ZDHHC24: variants seen among roughly 807,000 people sequenced by gnomAD.
ZDHHC24 encodes probable palmitoyltransferase ZDHHC24.
In ZDHHC24, 17 loss-of-function variants were observed where a neutral mutation model predicts 23.2. The ratio of observed to expected loss-of-function variants is 0.73; its 90% CI spans 0.50 to 1.10. The LOEUF (loss-of-function observed/expected upper bound fraction) is 1.10, where lower values mean the gene tolerates loss of function less well. Among genes scored for constraint, ZDHHC24 ranks in the 50% least tolerant of loss-of-function variants. The pLI, the probability that ZDHHC24 is intolerant of heterozygous loss-of-function variation, is 0.00. For missense variants in ZDHHC24, 366 were observed against 393.0 expected (o/e 0.93, Z 0.58); for synonymous variants, 186 against 194.5 (o/e 0.96, Z 0.36).
chr11:66,521,681 G>A (rs534816922), intron 4 of ZDHHC24: 269 of 373,844 alleles, frequency 7.2e-4, no homozygotes, highest in African/African-American at 4.9e-3. Context: ...CGAGGCAAGC[G>A]GATCACCTGA....
chr11:66,529,313 A>G, exon 3 of ZDHHC24: 1 of 1,536,276 alleles, frequency 6.5e-7, no homozygotes, highest in Non-Finnish European at 8.7e-7. Flanking sequence ...AGGCAGGACC[A>G]TGAGGCTGGT....
intron 2 of ZDHHC24, among the ~76,000 whole-genome samples, chr11:66,541,039 A>T (rs924331482): frequency 6.6e-6 from 1 of 152,128 alleles, no homozygotes; most frequent in Non-Finnish European, 1.5e-5. Context: ...AATGTTCTGG[A>T]ATTAGACAGT....
intron 2 of ZDHHC24, chr11:66,529,545 C>G: frequency 1.4e-6 from 1 of 707,840 alleles, no homozygotes; most frequent in African/African-American, 1.7e-5. Flanking sequence ...CAGGAGAACA[C>G]CAGCCTCTAG....
rs1323134170 is a variant in ZDHHC24 at position 66,538,365 on chromosome 11, C to G, written c.*1164G>C. On this transcript the variant is annotated 3_prime_UTR_variant, in exon 3 of 3. Transcript: ENST00000310442. ...TGAGCCGAGATCACGCCATTGCACT[C>G]CTGCCTGAGCAACAAGAGCAAAACT... 1 of 151,792 alleles carries G rather than the reference C, an allele frequency of 6.6e-6. No individual in the cohort carries two copies. Among genetic ancestry groups the G allele is most frequent in the Non-Finnish European group, 1.5e-5 (1 of 68,050 alleles). The allele number at this position is 151,792 out of a possible 1,614,324, so 9.4% of individuals were successfully genotyped here. A position where few individuals can be genotyped will look rare whatever the true frequency, so the allele number is the denominator to read the frequency against.
downstream of ZDHHC24, chr11:66,530,841 C>G (rs1053933472): frequency 1.9e-6 from 3 of 1,612,880 alleles, no homozygotes; most frequent in African/African-American, 2.7e-5. Flanking sequence ...CACTGTACTC[C>G]GTGCCCAAGG....
intron 2 of ZDHHC24, among the ~76,000 whole-genome samples, chr11:66,540,755 G>A (rs563395709): frequency 2.4e-4 from 37 of 152,006 alleles, no homozygotes; most frequent in Non-Finnish European, 4.1e-4. Context: ...CTTAATGTGT[G>A]CCGCCACAGA....
At chr11:66,531,018 C>A, downstream of ZDHHC24, 1 of 1,614,206 alleles carries the variant, frequency 6.2e-7, no homozygotes, top group Non-Finnish European at 8.5e-7. Flanking sequence ...CTGCCCCGGG[C>A]CTTCTTCAAG....
At chr11:66,535,355 C>T (rs570410929), downstream of ZDHHC24, among the ~76,000 whole-genome samples, 27 of 150,104 alleles carry the variant, frequency 1.8e-4, no homozygotes, top group Middle Eastern at 3.4e-3. Context: ...ACACTACAGA[C>T]GCACTACCAC....
intron 4 of ZDHHC24, chr11:66,523,501 T>C (rs1398065187): frequency 6.2e-7 from 1 of 1,614,074 alleles, no homozygotes; most frequent in Non-Finnish European, 8.5e-7. Context: ...GCGCCCAGCC[T>C]GTGGGACTTA....
downstream of ZDHHC24, chr11:66,531,618 G>C: frequency 6.2e-7 from 1 of 1,613,838 alleles, no homozygotes; most frequent in Non-Finnish European, 8.5e-7. Flanking sequence ...ACACTGGCAC[G>C]AGGGCTGGTT....
At position 66,523,498 on chromosome 11, in the gene ZDHHC24, G is replaced by A. The variant is rs547524683; in HGVS notation, c.*22-2032C>T. 2 of 1,614,120 alleles carry A rather than the reference G, an allele frequency of 1.2e-6. No individual in the cohort carries two copies. The highest frequency in any genetic ancestry group is 1.7e-5 in the Admixed American group (1 of 60,016). ...AGTACTGCATCGAGCTGAGCGCCCA[G>A]CCTGTGGGACTTATCCGGGTACACA... On this transcript the variant is annotated intron_variant, in intron 4 of 4. Coordinates refer to the ZDHHC24 transcript ENST00000526986.
chr11:66,539,832 A>T lies in ZDHHC24; in HGVS notation c.560-8T>A. 3 of 1,587,124 alleles carry T rather than the reference A, an allele frequency of 1.9e-6. No individual in the cohort carries two copies. The highest frequency in any genetic ancestry group is 2.7e-5 in the African/African-American group (2 of 74,340). On this transcript the variant is annotated splice_region_variant and splice_polypyrimidine_tract_variant and intron_variant, in intron 2 of 2. Coordinates refer to ENST00000310442, the MANE Select transcript of ZDHHC24 (RefSeq NM_207340.3). Reference sequence around the variant, plus strand: ...GTGCCAGAGACACTCTGCCTGCAATAAAAGAGCAGAGAGGGTCAGGGAGGG... The same window carrying T: ...GTGCCAGAGACACTCTGCCTGCAATTAAAGAGCAGAGAGGGTCAGGGAGGG...
At position 66,539,800 on chromosome 11, in the gene ZDHHC24, G is replaced by A; in HGVS notation, c.584C>T (p.Ala195Val). The change falls in exon 3 of 3, where the codon GCC (alanine) becomes GTC (valine). Residue 195 changes from alanine to valine, a missense_variant. Physicochemically the swap from Ala to Val is moderately conservative, Grantham distance 64. Coordinates refer to ENST00000310442, the MANE Select transcript of ZDHHC24 (RefSeq NM_207340.3). Reference sequence around the variant, plus strand: ...GCACGTGTCCGTCACGAAGGCCAAGGCAAACTGTGCCAGAGACACTCTGCC... The same window carrying A: ...GCACGTGTCCGTCACGAAGGCCAAGACAAACTGTGCCAGAGACACTCTGCC... ...LTGRVSLAQFALAFVTDTCVA... is the reference protein window; with the variant it reads ...LTGRVSLAQFVLAFVTDTCVA... The A allele has an allele frequency of 6.2e-7, 1 of 1,609,500 alleles. No homozygotes were observed.
chr11:66,543,937 T>C lies in ZDHHC24; in HGVS notation c.326A>G (p.His109Arg), dbSNP rs1374549285. ...CQSQVPPRSGHCSACRVCILR... is the reference protein window; with the variant it reads ...CQSQVPPRSGRCSACRVCILR... The stretch of plus-strand genomic sequence containing the variant: ...GATGCAGACGCGGCAGGCAGAGCAG[T>C]GTCCGCTGCGTGGCGGCACCTGGCT... Residue 109 changes from histidine (H) to arginine (R), a missense_variant, in exon 2 of 3, where the codon CAC (histidine) becomes CGC (arginine). Coordinates refer to ENST00000310442, the MANE Select transcript of ZDHHC24 (RefSeq NM_207340.3). The C allele has an allele frequency of 6.2e-7, 1 of 1,613,640 alleles. No homozygotes were observed. Among genetic ancestry groups the C allele is most frequent in the African/African-American group, 1.3e-5 (1 of 74,904 alleles).
chr11:66,543,300 A>C (rs1347075268), intron 2 of ZDHHC24, among the ~76,000 whole-genome samples: 1 of 151,868 alleles, frequency 6.6e-6, no homozygotes, highest in Non-Finnish European at 1.5e-5. Context: ...TCCTCACACC[A>C]GTTCTCAGGA....
intron 2 of ZDHHC24, among the ~76,000 whole-genome samples, chr11:66,530,291 C>T (rs978947447): frequency 1.3e-5 from 2 of 152,148 alleles, no homozygotes; most frequent in African/African-American, 4.8e-5. Context: ...AAGGCTGTCA[C>T]TTTGGTAACT....
Position 66,539,793 on chromosome 11 carries a change from G to A in ZDHHC24, c.591C>T (p.Ala197=). ...CCGCCACGCACGTGTCCGTCACGAA[G>A]GCCAAGGCAAACTGTGCCAGAGACA... ...GRVSLAQFAL[A]FVTDTCVAGA... Residue 197 remains alanine, a synonymous_variant, in exon 3 of 3, where the codon GCC becomes GCT. Transcript: ENST00000310442. 6.2e-7 allele frequency: 1 copy of A among 1,610,822 alleles called. No individual in the cohort carries two copies. Among genetic ancestry groups the A allele is most frequent in the East Asian group, 2.2e-5 (1 of 44,728 alleles).
chr11:66,545,927 G>A lies in ZDHHC24; in HGVS notation c.77C>T (p.Ala26Val). The change falls in exon 1 of 3, where the codon GCC (alanine) becomes GTC (valine). Residue 26 changes from alanine (A) to valine (V), a missense_variant. By Grantham distance (64) the Ala-to-Val change is moderately conservative. Coordinates refer to ENST00000310442, the MANE Select transcript of ZDHHC24 (RefSeq NM_207340.3). The surrounding 1 kb of genome is among the most constrained non-coding windows in gnomAD (Gnocchi z 4.5). ...QLPLVLTALWAAAVGLELAYV... is the reference protein window; with the variant it reads ...QLPLVLTALWVAAVGLELAYV... ...AGCCAGCTCCAGGCCCACGGCCGCGGCCCACAGCGCGGTGAGCACGAGAGG... is the reference window on the plus strand; with the variant it reads ...AGCCAGCTCCAGGCCCACGGCCGCGACCCACAGCGCGGTGAGCACGAGAGG... 6.6e-7 allele frequency: 1 copy of A among 1,510,906 alleles called. No individual in the cohort carries two copies. The highest frequency in any genetic ancestry group is 2.1e-5 in the Admixed American group (1 of 46,902). 93.6% of individuals were successfully genotyped at this position (1,510,906 alleles called of 1,614,324 possible).
rs890352258 is a variant in ZDHHC24 at position 66,545,763 on chromosome 11, C to T, written c.241G>A (p.Gly81Ser). The change falls in exon 1 of 3, where the codon GGC becomes AGC. Residue 81 changes from glycine to serine, a missense_variant. By Grantham distance (56) the Gly-to-Ser change is moderately conservative (BLOSUM62 0). Transcript: ENST00000310442. The surrounding 1 kb of genome is among the most constrained non-coding windows in gnomAD (Gnocchi z 4.5). The stretch of plus-strand genomic sequence containing the variant: ...AGACCGCGGCCGGCCAGCATCACGC[C>T]ACGGATGCTGGGATCCGAGCGCAGG... ...LFLRSDPSIR[G>S]VMLAGRGLGQ... The T allele has an allele frequency of 2.5e-5, 40 of 1,590,130 alleles. No homozygotes were observed. Among genetic ancestry groups the T allele is most frequent in the Non-Finnish European group, 3.2e-5 (37 of 1,173,682 alleles).
Sources: allele counts gnomAD v4.1 joint callset (sites outside exome capture counted in the v4.1 genomes callset), GRCh38; gene constraint gnomAD v4.1.1; non-coding constraint Gnocchi (gnomAD v3.1); transcripts MANE v1.5; gene names NCBI Gene and HGNC (gene_info 2026-07-23, HGNC 2026-07-21).